Variants in STK3 observed in about 807,000 individuals in gnomAD.
STK3 encodes the protein serine/threonine kinase 3, also known as serine/threonine-protein kinase 3.
A neutral mutation model predicts 58.0 loss-of-function variants in STK3; 41 were observed. The ratio of observed to expected loss-of-function variants is 0.71; its 90% CI spans 0.55 to 0.92. STK3 has a LOEUF of 0.92. Ranked by LOEUF, STK3 falls within the 40% of genes least tolerant of loss-of-function variation. The pLI, the probability that STK3 is intolerant of heterozygous loss-of-function variation, is 0.00. For synonymous variants in STK3, 170 were observed against 191.0 expected, an observed-to-expected ratio of 0.89 and a Z score of 0.91; for missense variants, 479 against 602.7, an observed-to-expected ratio of 0.79 and a Z score of 2.15.
At chr8:98,366,798 T>TC (rs1817569246), downstream of STK3, among the ~76,000 whole-genome samples, 1 of 151,368 alleles carries the variant, frequency 6.6e-6, no homozygotes, top group African/African-American at 2.4e-5. Context: ...AACATCAGCC[T>TC]CCCCAGTTTT....
At chr8:98,407,794 C>G (rs1020197874) in intron 3 of STK3, among the ~76,000 whole-genome samples, 1 of 151,628 alleles carries the variant, frequency 6.6e-6, no homozygotes, top group African/African-American at 2.4e-5. Flanking sequence ...ACTACTGGCC[C>G]CTTAGCCTCC....
chr8:98,588,402 T>C (rs1245378155), intron 7 of STK3, among the ~76,000 whole-genome samples: 1 of 151,326 alleles, frequency 6.6e-6, no homozygotes, highest in Admixed American at 6.6e-5. Flanking sequence ...AAAATTCTTT[T>C]CTTTAAGAAT....
chr8:98,788,956 T>C (rs1009022156), intron 1 of STK3, among the ~76,000 whole-genome samples: 29 of 152,178 alleles, frequency 1.9e-4, no homozygotes, highest in African/African-American at 7.0e-4. Context: ...CTGCAGAATA[T>C]ACATTCTATT....
At chr8:98,832,700 G>C (rs1334743488) in intron 3 of STK3, among the ~76,000 whole-genome samples, 2 of 152,034 alleles carry the variant, frequency 1.3e-5, no homozygotes, top group African/African-American at 2.4e-5. Context: ...TTGGCCAAGG[G>C]GGGGTCCATT....
chr8:98,395,265 A>G (rs994913945), intron 3 of STK3, among the ~76,000 whole-genome samples: 2 of 152,230 alleles, frequency 1.3e-5, no homozygotes, highest in Non-Finnish European at 2.9e-5. Context: ...TGTTGCAAAT[A>G]CATTACAAAA....
At chr8:98,885,562 C>T (rs1248521550) in intron 1 of STK3, among the ~76,000 whole-genome samples, 1 of 152,188 alleles carries the variant, frequency 6.6e-6, no homozygotes. Context: ...GCTTCAGCCT[C>T]CCAAGTAGCT....
chr8:98,774,315 C>T (rs758528910), intron 2 of STK3, among the ~76,000 whole-genome samples: 16 of 152,168 alleles, frequency 1.1e-4, no homozygotes, highest in Non-Finnish European at 1.6e-4. Context: ...CCTATATAAA[C>T]TGTTTCCCTC....
At chr8:98,369,411 G>GT (rs1479217147), downstream of STK3, among the ~76,000 whole-genome samples, 14 of 152,282 alleles carry the variant, frequency 9.2e-5, no homozygotes, top group African/African-American at 3.1e-4. Flanking sequence ...GTAGGAGGGA[G>GT]TTTTTTGGAT....
rs1205522867 is a variant in STK3 at position 98,678,559 on chromosome 8, T to C, written c.684+27908A>G. On this transcript the variant is annotated intron_variant, in intron 6 of 10. Coordinates refer to ENST00000419617, the MANE Select transcript of STK3 (RefSeq NM_006281.4). ...AGTTTTATCATAAAAACAGAATGTA[T>C]ATGAAATTATTTCACTTTAGCAATT... Among the ~76,000 whole-genome samples the C allele has an allele frequency of 4.6e-5, 7 of 152,250 alleles. No homozygotes were observed. In the East Asian group the frequency reaches 7.7e-4, roughly 17 times the overall value.
chr8:98,573,272 G>C (rs1813111143), intron 8 of STK3, among the ~76,000 whole-genome samples: 1 of 152,116 alleles, frequency 6.6e-6, no homozygotes, highest in Non-Finnish European at 1.5e-5. Flanking sequence ...GGAATACCTG[G>C]GTAATTTATA....
Position 98,455,713 on chromosome 8 carries a change from C to G in STK3, c.*129G>C. The G allele has an allele frequency of 9.1e-7, 1 of 1,104,364 alleles. No homozygotes were observed. The highest frequency in any genetic ancestry group is 1.3e-6 in the Non-Finnish European group (1 of 774,724). The allele number at this position is 1,104,364 out of a possible 1,614,324, so 68.4% of individuals were successfully genotyped here. On this transcript the variant is annotated 3_prime_UTR_variant, in exon 11 of 11. Coordinates refer to ENST00000419617, the MANE Select transcript of STK3 (RefSeq NM_006281.4). ...TTTTGGGAATTTACCTGGGCATGTA[C>G]CATTGTCACTTTTTGACCTCTGCCT... is the stretch of plus-strand genomic sequence containing the variant.
chr8:98,706,372 A>T, intron 6 of STK3, 95 bp downstream of exon 6: 1 of 1,257,910 alleles, frequency 7.9e-7, no homozygotes, highest in Non-Finnish European at 1.1e-6. Context: ...ATACATTTAA[A>T]TGAACTTATT....
At chr8:98,819,790 A>G (rs190533474) in intron 1 of STK3, among the ~76,000 whole-genome samples, 2 of 152,306 alleles carry the variant, frequency 1.3e-5, no homozygotes, top group East Asian at 1.9e-4. Flanking sequence ...ACTTTCCAAC[A>G]TTCCAAGGAA....
chr8:98,762,045 A>T (rs1254542077), intron 3 of STK3, among the ~76,000 whole-genome samples: 1 of 152,162 alleles, frequency 6.6e-6, no homozygotes, highest in East Asian at 1.9e-4. Context: ...ATCAGGACTC[A>T]GCTGAGGTAT....
rs1213276969 is a variant in STK3, at chr8:98,416,447, G to A, written n.484-14934C>T. Among the ~76,000 whole-genome samples, 5 of 126,072 alleles carry A rather than the reference G, an allele frequency of 4.0e-5. No homozygotes were observed. The Admixed American group carries it at 5.3e-4, about 13-fold the overall frequency. 82.7% of individuals were successfully genotyped at this position (126,072 alleles called of 152,430 possible). A position where few individuals can be genotyped will look rare whatever the true frequency, so the allele number is the denominator to read the frequency against. Reference sequence around the variant, plus strand: ...CTAATTAGAATGAATGTAATGTAAGGAAACATGTTCCTTTAATATAAACAA... The same window carrying A: ...CTAATTAGAATGAATGTAATGTAAGAAAACATGTTCCTTTAATATAAACAA... On this transcript the variant is annotated intron_variant and non_coding_transcript_variant, in intron 3 of 3. Coordinates refer to the STK3 transcript ENST00000517832.
At chr8:98,718,145 C>A (rs1827157165) in intron 4 of STK3, among the ~76,000 whole-genome samples, 3 of 152,084 alleles carry the variant, frequency 2.0e-5, no homozygotes, top group Admixed American at 1.3e-4. Flanking sequence ...GATGCTTACA[C>A]AACTTTATAA....
At chr8:98,845,785 G>A (rs1836178800) in intron 3 of STK3, among the ~76,000 whole-genome samples, 1 of 152,212 alleles carries the variant, frequency 6.6e-6, no homozygotes, top group Non-Finnish European at 1.5e-5. Flanking sequence ...ACTTACTAAA[G>A]TGTATTAACT....
intron 6 of STK3, among the ~76,000 whole-genome samples, chr8:98,698,081 CTCT>C (rs1457698061): frequency 6.6e-6 from 1 of 152,168 alleles, no homozygotes; most frequent in Non-Finnish European, 1.5e-5. Flanking sequence ...AGACAGTTAG[CTCT>C]TCTTGTTGAA....
In STK3 at chr8:98,620,529, G is replaced by C. The variant is rs528229061; in HGVS notation, c.685-24360C>G. The stretch of plus-strand genomic sequence containing the variant: ...AGGTCAACATCAAAAAAAAAAAGAA[G>C]ATGTCTCAAGGGAAATTAAAAAAAA... On this transcript the variant is annotated intron_variant, in intron 6 of 10. Coordinates refer to ENST00000419617, the MANE Select transcript of STK3 (RefSeq NM_006281.4). 9.9e-5 allele frequency among the ~76,000 whole-genome samples: 14 copies of C among 141,294 alleles called. No homozygotes were observed. In the East Asian group the frequency reaches 3.0e-3, roughly 30 times the overall value. 92.7% of individuals were successfully genotyped at this position (141,294 alleles called of 152,430 possible).
Sources: allele counts gnomAD v4.1 joint callset (sites outside exome capture counted in the v4.1 genomes callset), GRCh38; gene constraint gnomAD v4.1.1; transcripts MANE v1.5; gene names NCBI Gene and HGNC (gene_info 2026-07-23, HGNC 2026-07-21).